Variants in DIP2B observed in about 807,000 individuals in gnomAD.
DIP2B encodes the protein disco-interacting protein 2 homolog B.
DIP2B carries 76 observed loss-of-function variants against 198.0 expected under a neutral mutation model. That is an observed-to-expected ratio of 0.38 (90% CI 0.32 to 0.46). The LOEUF (loss-of-function observed/expected upper bound fraction) is 0.46. Among genes scored for constraint, DIP2B ranks in the 20% least tolerant of loss-of-function variants. DIP2B has a pLI of 0.99. For synonymous variants in DIP2B, 701 were observed against 739.1 expected (o/e 0.95, Z 0.84); for missense variants, 1,559 against 1,978.4 (o/e 0.79, Z 4.02).
rs1328544358 is a variant in DIP2B at position 50,531,786 on chromosome 12, C to T, written c.100+26546C>T. Among the ~76,000 whole-genome samples the T allele has an allele frequency of 2.0e-5, 3 of 152,204 alleles. No homozygotes were observed. The South Asian group carries it at 6.2e-4, about 31-fold the overall frequency. The stretch of plus-strand genomic sequence containing the variant: ...ACACATTCATCTGTTCTTTGTCTCT[C>T]TCCTCACTAGAAAATAAGTTGCCTG... On this transcript the variant is annotated intron_variant, in intron 1 of 37. Transcript: ENST00000301180.
At position 50,581,328 on chromosome 12, in the gene DIP2B, AG is replaced by A. The variant is rs1958722751; in HGVS notation, c.101-44647del. ...GGCTTTTAAGACCGCTACTGCATAA[AG>A]AAAATGTCCTTTGTGGCTCTCAGAA... On this transcript the variant is annotated intron_variant, in intron 1 of 37. Transcript: ENST00000301180. Among the ~76,000 whole-genome samples the A allele has an allele frequency of 2.0e-5, 3 of 149,578 alleles. 1 individual carries two copies. In the Admixed American group the frequency reaches 2.1e-4, roughly 10 times the overall value.
At chr12:50,539,087 A>G (rs1300659691) in intron 1 of DIP2B, among the ~76,000 whole-genome samples, 6 of 152,070 alleles carry the variant, frequency 3.9e-5, no homozygotes, top group Non-Finnish European at 8.8e-5. Flanking sequence ...TTTGATTGTC[A>G]TTTGAATGTA....
intron 5 of DIP2B, among the ~76,000 whole-genome samples, chr12:50,672,742 C>T (rs371319522): frequency 1.1e-4 from 16 of 152,224 alleles, no homozygotes; most frequent in African/African-American, 3.9e-4. Context: ...AATCCTACCT[C>T]CCATGGGTAA....
chr12:50,559,313 CTTT>C (rs11301460), intron 1 of DIP2B, among the ~76,000 whole-genome samples: 36 of 122,988 alleles, frequency 2.9e-4, no homozygotes, highest in Non-Finnish European at 3.3e-4. Flanking sequence ...AATTATTTGT[CTTT>C]TTTTTTTTTT....
chr12:50,621,985 G>C (rs1644380129), intron 1 of DIP2B, among the ~76,000 whole-genome samples: 1 of 152,304 alleles, frequency 6.6e-6, no homozygotes, highest in Non-Finnish European at 1.5e-5. Context: ...CTAACAGATT[G>C]TCCCACGATC....
At chr12:50,515,129 A>G (rs1958052453) in intron 1 of DIP2B, among the ~76,000 whole-genome samples, 1 of 151,926 alleles carries the variant, frequency 6.6e-6, no homozygotes, top group South Asian at 2.1e-4. Context: ...CCCCTGCCTC[A>G]TTAAGCTTCT....
chr12:50,605,607 T>A (rs1253899240), intron 1 of DIP2B, among the ~76,000 whole-genome samples: 1 of 152,098 alleles, frequency 6.6e-6, no homozygotes, highest in Non-Finnish European at 1.5e-5. Flanking sequence ...CAATTCCCTT[T>A]CCCCCTACTC....
rs184950474 is a variant in DIP2B at position 50,648,373 on chromosome 12, A to T, written c.301+7521A>T. On this transcript the variant is annotated intron_variant, in intron 3 of 37. Transcript: ENST00000301180. ...ATTTTTTTTATTATTTTATTTATTTATTTTTTTTGAGACGGAGTCTCGCTC... is the reference window on the plus strand; with the variant it reads ...ATTTTTTTTATTATTTTATTTATTTTTTTTTTTTGAGACGGAGTCTCGCTC... Among the ~76,000 whole-genome samples the T allele has an allele frequency of 4.6e-4, 70 of 151,254 alleles. No homozygotes were observed. The East Asian group carries it at 8.0e-3, about 17-fold the overall frequency.
chr12:50,515,578 T>C (rs1447983696), intron 1 of DIP2B, among the ~76,000 whole-genome samples: 4 of 152,194 alleles, frequency 2.6e-5, no homozygotes, highest in African/African-American at 9.7e-5. Flanking sequence ...CTAACCTTTG[T>C]GGCATAGTTT....
At chr12:50,677,637 G>A (rs183512188) in intron 7 of DIP2B, among the ~76,000 whole-genome samples, 30 of 152,144 alleles carry the variant, frequency 2.0e-4, no homozygotes, top group African/African-American at 7.2e-4. Flanking sequence ...GGAAATGTAG[G>A]ATTCTTTTTT....
At chr12:50,734,810 GGGT>G (rs1454990483) in intron 33 of DIP2B, among the ~76,000 whole-genome samples, 1 of 152,176 alleles carries the variant, frequency 6.6e-6, no homozygotes, top group African/African-American at 2.4e-5. Context: ...GAAACATTTT[GGGT>G]TGTCATAAAA....
intron 17 of DIP2B, among the ~76,000 whole-genome samples, chr12:50,698,101 G>A (rs1939349986): frequency 6.6e-6 from 1 of 151,978 alleles, no homozygotes; most frequent in Admixed American, 6.6e-5. Flanking sequence ...CCACTGTGTT[G>A]CCCAGGCTGG....
At chr12:50,664,649 T>TA (rs1322464412) in intron 4 of DIP2B, among the ~76,000 whole-genome samples, 2 of 152,122 alleles carry the variant, frequency 1.3e-5, no homozygotes, top group African/African-American at 2.4e-5. Context: ...CTTGTGGACT[T>TA]ACCCTTTGCT....
chr12:50,577,768 C>T (rs1958676139), intron 1 of DIP2B, among the ~76,000 whole-genome samples: 2 of 151,376 alleles, frequency 1.3e-5, no homozygotes, highest in Non-Finnish European at 1.5e-5. Flanking sequence ...AAAATCTGTC[C>T]TCACATGTAT....
intron 22 of DIP2B, among the ~76,000 whole-genome samples, chr12:50,711,257 C>T (rs1565878969): frequency 6.6e-6 from 1 of 152,186 alleles, no homozygotes; most frequent in Non-Finnish European, 1.5e-5. Context: ...GCCATGTATT[C>T]TAATAGATTA....
At position 50,697,074 on chromosome 12, in the gene DIP2B, C is replaced by A; in HGVS notation, c.1947C>A (p.Ser649=). 6.2e-7 allele frequency: 1 copy of A among 1,613,972 alleles called. No homozygotes were observed. Among genetic ancestry groups the A allele is most frequent in the Non-Finnish European group, 8.5e-7 (1 of 1,179,900 alleles). ...TDGANPWSVS[S]CDAFLSLFQS... ...CCAACTCCTTAGGGTCCGTGTCATC[C>A]TGTGATGCCTTCCTGAGTCTGTTCC... The change falls in exon 17 of 38, where the codon TCC becomes TCA. Residue 649 remains serine, a synonymous_variant. Transcript: ENST00000301180.
At chr12:50,652,147 A>G (rs1938466345) in intron 3 of DIP2B, among the ~76,000 whole-genome samples, 1 of 151,720 alleles carries the variant, frequency 6.6e-6, no homozygotes. Flanking sequence ...CCCCATCTCT[A>G]CTAAAAATAA....
intron 1 of DIP2B, among the ~76,000 whole-genome samples, chr12:50,517,841 G>A (rs192263411): frequency 7.9e-5 from 12 of 151,766 alleles, no homozygotes; most frequent in Admixed American, 6.6e-4. Context: ...TTTTTTGCCC[G>A]GTTAACTTCT....
At chr12:50,557,603 C>T (rs1246619205) in intron 1 of DIP2B, among the ~76,000 whole-genome samples, 2 of 152,208 alleles carry the variant, frequency 1.3e-5, no homozygotes, top group Non-Finnish European at 2.9e-5. Flanking sequence ...GGCTAATGGG[C>T]TGCTGGGTGG....
Sources: gnomAD v4.1 joint callset for allele counts (sites outside exome capture counted in the v4.1 genomes callset) on GRCh38, gnomAD v4.1.1 for gene constraint, MANE v1.5 for transcripts, NCBI Gene and HGNC (gene_info 2026-07-23, HGNC 2026-07-21) for gene names.